Variants in USP34 observed in about 807,000 individuals in gnomAD.
The protein encoded by USP34 is ubiquitin carboxyl-terminal hydrolase 34.
Under a neutral mutation model 460.3 loss-of-function variants are expected in USP34, and 70 were observed. The ratio of observed to expected loss-of-function variants is 0.15; its 90% CI spans 0.13 to 0.19. USP34 has a LOEUF of 0.19. USP34 is among the 10% of genes least tolerant of loss of function. The pLI, the probability that USP34 is intolerant of heterozygous loss-of-function variation, is 1.00. For synonymous variants in USP34, 1,647 were observed against 1,405.3 expected, an observed-to-expected ratio of 1.17 and a Z score of -3.85; for missense variants, 3,985 against 4,236.2, an observed-to-expected ratio of 0.94 and a Z score of 1.65.
chr2:61,267,636 C>CA (rs1558500269), intron 41 of USP34, among the ~76,000 whole-genome samples: 1 of 151,646 alleles, frequency 6.6e-6, no homozygotes, highest in Non-Finnish European at 1.5e-5. Flanking sequence ...TTGTTTGAGA[C>CA]AGAGTCTTGC....
At chr2:61,367,967 A>G (rs74967605) in intron 10 of USP34, among the ~76,000 whole-genome samples, 1 of 152,232 alleles carries the variant, frequency 6.6e-6, no homozygotes, top group South Asian at 2.1e-4. Context: ...GCATTTAAAA[A>G]TATTACAAAG....
chr2:61,188,242 A>C lies in USP34; in HGVS notation c.10501T>G (p.Ser3501Ala). 3.1e-6 allele frequency: 5 copies of C among 1,614,196 alleles called. No homozygotes were observed. The highest frequency in any genetic ancestry group is 4.2e-6 in the Non-Finnish European group (5 of 1,180,038). ...CCTCTGGAATGGCCACAACTGAGAGATAAAGCAACCTCAGGGTCCTGGGAG... is the reference window on the plus strand; with the variant it reads ...CCTCTGGAATGGCCACAACTGAGAGCTAAAGCAACCTCAGGGTCCTGGGAG... Reference protein sequence around the residue: ...LPSQDPEVALSLSCGHSRGLF... With the variant: ...LPSQDPEVALALSCGHSRGLF... Residue 3501 changes from serine (S) to alanine (A), a missense_variant, in exon 80 of 80, where the codon TCT becomes GCT. By Grantham distance (99) the Ser-to-Ala change is moderately conservative. Coordinates refer to ENST00000398571, the MANE Select transcript of USP34 (RefSeq NM_014709.4).
At chr2:61,284,744 G>T in intron 35 of USP34, 131 bp downstream of exon 35, 1 of 614,174 alleles carries the variant, frequency 1.6e-6, no homozygotes, top group Non-Finnish European at 2.7e-6. Context: ...AATTTGGATG[G>T]AAGGTATGAG....
intron 23 of USP34, among the ~76,000 whole-genome samples, chr2:61,316,189 G>A (rs1400908325): frequency 2.0e-5 from 3 of 152,052 alleles, no homozygotes; most frequent in Non-Finnish European, 2.9e-5. Flanking sequence ...AGTTATCAGA[G>A]TGATACTGAA....
chr2:61,238,909 A>C (rs1322936917), intron 53 of USP34, among the ~76,000 whole-genome samples: 2 of 151,948 alleles, frequency 1.3e-5, no homozygotes, highest in Non-Finnish European at 2.9e-5. Context: ...GCATGTGCTC[A>C]CTTTCTGTCT....
chr2:61,349,307 G>A (rs1268069520), intron 12 of USP34, 22 bp from the exon 13 acceptor site: 2 of 1,611,638 alleles, frequency 1.2e-6, no homozygotes, highest in East Asian at 2.2e-5. Context: ...GGAAAAAACA[G>A]GAGAAAAACA....
intron 1 of USP34, among the ~76,000 whole-genome samples, chr2:61,467,996 C>T (rs528898659): frequency 2.6e-3 from 396 of 152,064 alleles, no homozygotes; most frequent in Non-Finnish European, 4.4e-3. Flanking sequence ...GGGAAAAGGG[C>T]AGACTTTATA....
At chr2:61,401,743 A>G (rs1162667535) in intron 3 of USP34, among the ~76,000 whole-genome samples, 2 of 143,136 alleles carry the variant, frequency 1.4e-5, no homozygotes, top group Admixed American at 7.0e-5. Context: ...TATTTTTAGT[A>G]GAGACAGCGT....
At chr2:61,356,466 G>A (rs1175919856) in intron 10 of USP34, among the ~76,000 whole-genome samples, 1 of 138,092 alleles carries the variant, frequency 7.2e-6, no homozygotes, top group Middle Eastern at 3.5e-3. Context: ...CTCCAGCCTG[G>A]GTGAAAGCGC....
intron 5 of USP34, 68 bp from the exon 6 acceptor site, chr2:61,383,404 A>C (rs2103870363): frequency 8.0e-7 from 1 of 1,249,298 alleles, no homozygotes; most frequent in Middle Eastern, 2.8e-4. Flanking sequence ...TCACTAAACT[A>C]ATGAAAAACA....
intron 1 of USP34, among the ~76,000 whole-genome samples, chr2:61,425,754 G>A (rs989743082): frequency 1.3e-5 from 2 of 152,132 alleles, no homozygotes; most frequent in Admixed American, 1.3e-4. Context: ...GTGGTGGGAA[G>A]GGGGACAGGA....
intron 1 of USP34, among the ~76,000 whole-genome samples, chr2:61,445,856 A>G (rs1186704): frequency 0.64 from 97,343 of 151,714 alleles, 31,340 homozygotes; most frequent in Middle Eastern, 0.7. Context: ...CCTGAGGCAG[A>G]AGTATCGCTT....
chr2:61,296,511 C>T (rs1690035875), intron 30 of USP34, among the ~76,000 whole-genome samples: 1 of 151,936 alleles, frequency 6.6e-6, no homozygotes, highest in Admixed American at 6.6e-5. Context: ...GAACAAAAAA[C>T]AATATTAAAA....
At chr2:61,437,765 T>G (rs1435368644) in intron 1 of USP34, among the ~76,000 whole-genome samples, 2 of 60,206 alleles carry the variant, frequency 3.3e-5, no homozygotes, top group South Asian at 5.1e-4. Flanking sequence ...AGAGCGAGAC[T>G]CCGTCTCAAA....
At chr2:61,286,334 A>G (rs1172708212) in intron 34 of USP34, among the ~76,000 whole-genome samples, 1 of 152,140 alleles carries the variant, frequency 6.6e-6, no homozygotes, top group African/African-American at 2.4e-5. Context: ...CAAAAACTAT[A>G]TAATATACAC....
intron 2 of USP34, among the ~76,000 whole-genome samples, chr2:61,407,976 G>T (rs564336056): frequency 8.5e-5 from 13 of 152,052 alleles, no homozygotes; most frequent in African/African-American, 2.9e-4. Flanking sequence ...TTAGCCAGGC[G>T]TGGTGGTGGG....
chr2:61,249,286 A>G (rs1233482735), intron 48 of USP34, among the ~76,000 whole-genome samples: 1 of 152,244 alleles, frequency 6.6e-6, no homozygotes, highest in Non-Finnish European at 1.5e-5. Context: ...TTCCTTGAAT[A>G]CAAACAGTAC....
In USP34 at chr2:61,339,452, A is replaced by G. The variant is rs576935533; in HGVS notation, c.2643T>C (p.Asn881=). ...DAVNLSEGLI[N]EAEKLLCSLV... Reference sequence around the variant, plus strand: ...ACGAACAAAGAAGTTTCTCTGCTTCATTTATTAATCCTTCAGAAAGATTAA... The same window carrying G: ...ACGAACAAAGAAGTTTCTCTGCTTCGTTTATTAATCCTTCAGAAAGATTAA... Residue 881 remains asparagine, a synonymous_variant, in exon 18 of 80, where the codon AAT becomes AAC. Transcript: ENST00000398571. 1.3e-6 allele frequency: 2 copies of G among 1,597,066 alleles called. No individual in the cohort carries two copies. The highest frequency in any genetic ancestry group is 2.3e-5 in the South Asian group (2 of 87,766).
intron 15 of USP34, 98 bp from the exon 16 acceptor site, chr2:61,344,127 G>T: frequency 9.2e-7 from 1 of 1,090,666 alleles, no homozygotes; most frequent in Non-Finnish European, 1.3e-6. Flanking sequence ...AATACACTTA[G>T]AAACAAACCG....
Sources: allele counts gnomAD v4.1 joint callset (sites outside exome capture counted in the v4.1 genomes callset), GRCh38; gene constraint gnomAD v4.1.1; transcripts MANE v1.5; gene names NCBI Gene and HGNC (gene_info 2026-07-23, HGNC 2026-07-21).